The following CDH18 variants were observed in gnomAD, a reference collection of about 807,000 sequenced individuals.
The protein encoded by CDH18 is cadherin-18.
Under a neutral mutation model 67.9 loss-of-function variants are expected in CDH18, and 31 were observed. That is an observed-to-expected ratio of 0.46 (90% CI 0.34 to 0.62). The LOEUF (loss-of-function observed/expected upper bound fraction) is 0.62, where lower values mean the gene tolerates loss of function less well. CDH18 is among the 20% of genes least tolerant of loss of function. The pLI, the probability that CDH18 is intolerant of heterozygous loss-of-function variation, is 0.01. For missense variants in CDH18, 890 were observed against 975.5 expected (o/e 0.91, Z 1.17); for synonymous variants, 362 against 347.2 (o/e 1.04, Z -0.48).
chr5:19,532,559 A>G (rs886133588), intron 9 of CDH18, among the ~76,000 whole-genome samples: 2 of 152,120 alleles, frequency 1.3e-5, no homozygotes, highest in African/African-American at 4.8e-5. Context: ...ATTTGGAAGT[A>G]TTTGATTTGA....
chr5:19,663,840 AT>A (rs1757527515), intron 5 of CDH18, among the ~76,000 whole-genome samples: 1 of 151,762 alleles, frequency 6.6e-6, no homozygotes, highest in South Asian at 2.1e-4. Flanking sequence ...TGGGGAAAAG[AT>A]TATATTTATC....
chr5:20,187,547 A>T (rs368519934), intron 2 of CDH18, among the ~76,000 whole-genome samples: 1 of 151,916 alleles, frequency 6.6e-6, no homozygotes, highest in South Asian at 2.1e-4. Flanking sequence ...AAGGAAATAC[A>T]TAAAATAAAT....
At chr5:20,176,078 C>G (rs1199229658) in intron 2 of CDH18, among the ~76,000 whole-genome samples, 1 of 152,276 alleles carries the variant, frequency 6.6e-6, no homozygotes, top group East Asian at 1.9e-4. Flanking sequence ...TTCTCCCCAC[C>G]TAGTCAGCCA....
At chr5:19,931,168 C>T (rs1270106552) in intron 2 of CDH18, among the ~76,000 whole-genome samples, 1 of 151,916 alleles carries the variant, frequency 6.6e-6, no homozygotes, top group African/African-American at 2.4e-5. Flanking sequence ...TATCATAACC[C>T]TTCATATTAT....
At chr5:20,432,284 C>G (rs1269290730) in intron 1 of CDH18, among the ~76,000 whole-genome samples, 2 of 152,138 alleles carry the variant, frequency 1.3e-5, no homozygotes, top group African/African-American at 4.8e-5. Context: ...TTCCGCTGTT[C>G]AATCTCATTC....
At chr5:19,928,676 A>G (rs150180564) in intron 2 of CDH18, among the ~76,000 whole-genome samples, 51 of 152,274 alleles carry the variant, frequency 3.3e-4, no homozygotes, top group African/African-American at 1.2e-3. Context: ...AGATCAGAAC[A>G]CTGGGAGGAT....
At chr5:19,624,372 T>C (rs1207056068) in intron 5 of CDH18, among the ~76,000 whole-genome samples, 1 of 152,146 alleles carries the variant, frequency 6.6e-6, no homozygotes, top group Non-Finnish European at 1.5e-5. Flanking sequence ...TTAGGCATGC[T>C]ATATGTATAT....
rs200080046 is a variant in CDH18 at position 19,473,681 on chromosome 5, T to G, written c.1918A>C (p.Lys640Gln). 6.2e-7 allele frequency: 1 copy of G among 1,613,128 alleles called. No individual in the cohort carries two copies. Among genetic ancestry groups the G allele is most frequent in the African/African-American group, 1.3e-5 (1 of 74,882 alleles). Residue 640 changes from lysine (K) to glutamine (Q), a missense_variant, in exon 13 of 13, where the codon AAA becomes CAA. By Grantham distance (53) the Lys-to-Gln change is moderately conservative. Coordinates refer to ENST00000382275, the MANE Select transcript of CDH18 (RefSeq NM_004934.5). ...VVLFITLRRSKKEPLIISEED... is the reference protein window; with the variant it reads ...VVLFITLRRSQKEPLIISEED... The stretch of plus-strand genomic sequence containing the variant: ...TCTGAAATGATCAAGGGCTCTTTTT[T>G]GCTGCGCCTCAGGGTGATAAAAAGT...
At position 19,853,417 on chromosome 5, in the gene CDH18, C is replaced by T. The variant is rs73764243; in HGVS notation, c.-256-14175G>A. 7.2e-3 allele frequency among the ~76,000 whole-genome samples: 1,093 copies of T among 152,162 alleles called. 12 individuals are homozygous for T. Among genetic ancestry groups the T allele is most frequent in the African/African-American group, 0.023 (939 of 41,540 alleles). ...AAGTACAGCCACCCTGGGGGTTCAG[C>T]CTTGGGCATATACATTTGTGGAAAA... On this transcript the variant is annotated intron_variant, in intron 2 of 12. Transcript: ENST00000382275.
At chr5:19,842,126 G>A (rs879199610) in intron 2 of CDH18, among the ~76,000 whole-genome samples, 10 of 152,172 alleles carry the variant, frequency 6.6e-5, no homozygotes, top group Admixed American at 3.3e-4. Flanking sequence ...ATATGTGGTA[G>A]ACATTTTCCA....
intron 3 of CDH18, among the ~76,000 whole-genome samples, chr5:19,820,104 G>T (rs993431869): frequency 2.0e-5 from 3 of 152,130 alleles, no homozygotes; most frequent in Non-Finnish European, 2.9e-5. Context: ...GCTCAAGTTG[G>T]GGATGAGCCC....
chr5:19,604,570 CACA>C (rs1747726666), intron 6 of CDH18, among the ~76,000 whole-genome samples: 1 of 120,820 alleles, frequency 8.3e-6, no homozygotes. Context: ...CACACACACA[CACA>C]CACAAAGTAT....
rs1737816148 is a variant in CDH18 at position 19,473,170 on chromosome 5, G to T, written c.*56C>A. 1.3e-6 allele frequency: 2 copies of T among 1,574,988 alleles called. No individual in the cohort carries two copies. The highest frequency in any genetic ancestry group is 8.6e-7 in the Non-Finnish European group (1 of 1,159,314). ...ACACTTCTTCCTTGTCATTGCTGAG[G>T]TTGTATATCCACTTACTCAGGAAGC... On this transcript the variant is annotated 3_prime_UTR_variant, in exon 13 of 13. Coordinates refer to ENST00000382275, the MANE Select transcript of CDH18 (RefSeq NM_004934.5).
chr5:19,953,671 T>C (rs961633142), intron 2 of CDH18, among the ~76,000 whole-genome samples: 2 of 152,038 alleles, frequency 1.3e-5, no homozygotes, highest in Non-Finnish European at 2.9e-5. Flanking sequence ...TAATGATATA[T>C]AGTTTGTTTC....
chr5:20,561,559 C>CA lies in CDH18; in HGVS notation c.-580+13902dup, dbSNP rs1297330939. On this transcript the variant is annotated intron_variant, in intron 1 of 14. Coordinates refer to the CDH18 transcript ENST00000507958. ...AAGAAATACTGGAAAACTATGTAGT[C>CA]AAAAAAAGATCAGTAGTTGCCAGGG... Among the ~76,000 whole-genome samples the CA allele has an allele frequency of 2.6e-5, 4 of 151,710 alleles. No homozygotes were observed. In the East Asian group the frequency reaches 5.8e-4, roughly 22 times the overall value.
At chr5:20,245,809 T>C (rs1391243714) in intron 2 of CDH18, among the ~76,000 whole-genome samples, 1 of 152,116 alleles carries the variant, frequency 6.6e-6, no homozygotes. Context: ...GAAAGTATGG[T>C]CTAAGTAGCT....
intron 2 of CDH18, among the ~76,000 whole-genome samples, chr5:20,134,123 C>T (rs1457031139): frequency 6.6e-6 from 1 of 152,086 alleles, no homozygotes; most frequent in Non-Finnish European, 1.5e-5. Flanking sequence ...GACTGTGTCA[C>T]CACACTAGGC....
At chr5:19,792,354 A>G (rs745964415) in intron 3 of CDH18, among the ~76,000 whole-genome samples, 9 of 152,148 alleles carry the variant, frequency 5.9e-5, no homozygotes, top group African/African-American at 4.8e-5. Context: ...AACTTACACC[A>G]GTAGCTTTCC....
intron 2 of CDH18, among the ~76,000 whole-genome samples, chr5:20,228,189 T>C (rs1403978984): frequency 1.3e-5 from 2 of 152,076 alleles, no homozygotes; most frequent in Non-Finnish European, 2.9e-5. Context: ...TGAACTCATA[T>C]TTTTGCCAAA....
Sources: gnomAD v4.1 joint callset for allele counts (sites outside exome capture counted in the v4.1 genomes callset) on GRCh38, gnomAD v4.1.1 for gene constraint, MANE v1.5 for transcripts, NCBI Gene and HGNC (gene_info 2026-07-23, HGNC 2026-07-21) for gene names.